ARHGEF26: variants seen among roughly 807,000 people sequenced by gnomAD.
ARHGEF26 encodes Rho guanine nucleotide exchange factor (GEF) 26.
In ARHGEF26, 59 loss-of-function variants were observed where a neutral mutation model predicts 89.4. The ratio of observed to expected loss-of-function variants is 0.66; its 90% CI spans 0.54 to 0.82. The LOEUF is 0.82. ARHGEF26 is among the 40% of genes least tolerant of loss of function. The pLI is 0.00. For synonymous variants in ARHGEF26, 500 were observed against 428.4 expected, an observed-to-expected ratio of 1.17 and a Z score of -2.06; for missense variants, 1,234 against 1,085.6, an observed-to-expected ratio of 1.14 and a Z score of -1.92.
chr3:154,172,877 T>G (rs1490489884), intron 6 of ARHGEF26, among the ~76,000 whole-genome samples: 1 of 152,166 alleles, frequency 6.6e-6, no homozygotes, highest in African/African-American at 2.4e-5. Context: ...AAACATAAAT[T>G]GCATAAGTAA....
At chr3:154,215,224 C>T (rs1715644831) in intron 9 of ARHGEF26, among the ~76,000 whole-genome samples, 1 of 152,138 alleles carries the variant, frequency 6.6e-6, no homozygotes, top group Non-Finnish European at 1.5e-5. Flanking sequence ...ACTTTCTCAT[C>T]TCATCCTTTG....
intron 8 of ARHGEF26, among the ~76,000 whole-genome samples, chr3:154,194,224 G>A (rs1293688117): frequency 6.6e-6 from 1 of 152,096 alleles, no homozygotes; most frequent in Admixed American, 6.5e-5. Flanking sequence ...TTTATTGAGG[G>A]CATACCCTAT....
At chr3:154,203,351 C>G (rs1714780507) in intron 9 of ARHGEF26, among the ~76,000 whole-genome samples, 1 of 152,124 alleles carries the variant, frequency 6.6e-6, no homozygotes, top group Non-Finnish European at 1.5e-5. Context: ...ATGAAGCCCA[C>G]TTGATCATGG....
rs578161436 is a variant in ARHGEF26 at position 154,201,984 on chromosome 3, G to T, written c.1845+7266G>T. 3.3e-5 allele frequency among the ~76,000 whole-genome samples: 5 copies of T among 151,962 alleles called. No homozygotes were observed. In the South Asian group the frequency reaches 1.0e-3, roughly 32 times the overall value. On this transcript the variant is annotated intron_variant, in intron 9 of 14. Coordinates refer to ENST00000465093, the MANE Select transcript of ARHGEF26 (RefSeq NM_015595.4). ...GTTCACTCTGATGGTAGTTTCTTTT[G>T]CTGTGCAGAAGCTCTTTAGTTTAAT...
chr3:154,201,514 T>C (rs1467760359), intron 9 of ARHGEF26, among the ~76,000 whole-genome samples: 1 of 152,232 alleles, frequency 6.6e-6, no homozygotes, highest in Non-Finnish European at 1.5e-5. Context: ...TTTGGGTATA[T>C]ACCCAGTAAT....
At chr3:154,203,306 A>G (rs1208790732) in intron 9 of ARHGEF26, among the ~76,000 whole-genome samples, 1 of 151,972 alleles carries the variant, frequency 6.6e-6, no homozygotes, top group Non-Finnish European at 1.5e-5. Flanking sequence ...ACATTTATTG[A>G]TTTGCATATA....
intron 6 of ARHGEF26, among the ~76,000 whole-genome samples, chr3:154,179,488 G>A (rs1445875400): frequency 1.3e-5 from 2 of 152,174 alleles, no homozygotes; most frequent in Admixed American, 6.5e-5. Context: ...GTGCAGTCCT[G>A]CAGCAGGGCC....
chr3:154,181,267 A>G (rs1412773489), intron 6 of ARHGEF26, among the ~76,000 whole-genome samples: 1 of 152,158 alleles, frequency 6.6e-6, no homozygotes, highest in Non-Finnish European at 1.5e-5. Flanking sequence ...TATCTGGAAT[A>G]TTTCTTTGTT....
Position 154,122,071 on chromosome 3 carries a change from C to G in ARHGEF26, c.79C>G (p.His27Asp). Residue 27 changes from histidine to aspartate, a missense_variant, in exon 2 of 15, where the codon CAC becomes GAC. Physicochemically the swap from His to Asp is moderately conservative, Grantham distance 81. Transcript: ENST00000465093. Reference sequence around the variant, plus strand: ...GCGGAGGCGGTCGATTCCTCAGCCCCACCAGGTTCTGGGCCGGAGCAAGCC... The same window carrying G: ...GCGGAGGCGGTCGATTCCTCAGCCCGACCAGGTTCTGGGCCGGAGCAAGCC... Reference protein sequence around the residue: ...LWRRRSIPQPHQVLGRSKPRP... With the variant: ...LWRRRSIPQPDQVLGRSKPRP... The G allele has an allele frequency of 6.2e-7, 1 of 1,612,892 alleles. No individual in the cohort carries two copies.
chr3:154,121,600 A>T (rs541584351), intron 1 of ARHGEF26, 81 bp downstream of exon 1: 15 of 195,342 alleles, frequency 7.7e-5, no homozygotes, highest in African/African-American at 3.5e-4. Context: ...GACAGAAGGG[A>T]GCGTCCCGCG....
chr3:154,144,550 G>A (rs1719586720), intron 4 of ARHGEF26, among the ~76,000 whole-genome samples: 2 of 152,188 alleles, frequency 1.3e-5, no homozygotes. Context: ...AATGTACAAA[G>A]CACAGCAGTT....
chr3:154,144,382 G>C (rs1719574397), intron 4 of ARHGEF26, among the ~76,000 whole-genome samples: 1 of 152,162 alleles, frequency 6.6e-6, no homozygotes, highest in Admixed American at 6.5e-5. Flanking sequence ...TAGATGCATG[G>C]AAGGAACAGT....
intron 4 of ARHGEF26, among the ~76,000 whole-genome samples, chr3:154,141,882 T>C (rs1468364965): frequency 6.6e-6 from 1 of 152,228 alleles, no homozygotes; most frequent in African/African-American, 2.4e-5. Context: ...TTATAACTTA[T>C]AATTTGAACA....
intron 4 of ARHGEF26, 71 bp from the exon 5 acceptor site, chr3:154,149,318 C>T: frequency 3.2e-6 from 4 of 1,258,920 alleles, no homozygotes; most frequent in Non-Finnish European, 1.1e-6. Flanking sequence ...TAGAGTTATG[C>T]CTTGAATAAT....
chr3:154,131,170 G>C (rs781078400), intron 4 of ARHGEF26, among the ~76,000 whole-genome samples: 2 of 152,274 alleles, frequency 1.3e-5, no homozygotes, highest in Non-Finnish European at 2.9e-5. Flanking sequence ...GGTATATGTA[G>C]GTGATAGGGA....
chr3:154,198,805 A>G (rs1714442798), intron 9 of ARHGEF26, among the ~76,000 whole-genome samples: 1 of 152,116 alleles, frequency 6.6e-6, no homozygotes, highest in South Asian at 2.1e-4. Flanking sequence ...GTACACCAAA[A>G]TCTCCTAAAT....
chr3:154,183,968 A>G (rs1478740052), intron 6 of ARHGEF26, among the ~76,000 whole-genome samples: 4 of 136,768 alleles, frequency 2.9e-5, no homozygotes, highest in Non-Finnish European at 4.9e-5. Context: ...TCTTTTTTCA[A>G]TTTTCTTTCT....
intron 9 of ARHGEF26, among the ~76,000 whole-genome samples, chr3:154,207,881 T>G (rs770423392): frequency 1.3e-5 from 2 of 152,000 alleles, no homozygotes; most frequent in Non-Finnish European, 2.9e-5. Context: ...ATAAAGAAAA[T>G]GTACATATAC....
At chr3:154,128,101 A>G (rs1445668043) in intron 3 of ARHGEF26, among the ~76,000 whole-genome samples, 1 of 152,102 alleles carries the variant, frequency 6.6e-6, no homozygotes, top group Non-Finnish European at 1.5e-5. Flanking sequence ...TAAATCCTTC[A>G]GTTTGTAGGT....
Sources: gnomAD v4.1 joint callset for allele counts (sites outside exome capture counted in the v4.1 genomes callset) on GRCh38, gnomAD v4.1.1 for gene constraint, MANE v1.5 for transcripts, NCBI Gene and HGNC (gene_info 2026-07-23, HGNC 2026-07-21) for gene names.